Variants in DENND5B observed in about 807,000 individuals in gnomAD.
The protein encoded by DENND5B is DENN domain containing 5B.
In DENND5B, 34 loss-of-function variants were observed where a neutral mutation model predicts 140.6. The observed-to-expected ratio is 0.24, with a 90% confidence interval of 0.18 to 0.32. The LOEUF (loss-of-function observed/expected upper bound fraction) is 0.32, where lower values mean the gene tolerates loss of function less well. Ranked by LOEUF, DENND5B falls within the 10% of genes least tolerant of loss-of-function variation. DENND5B has a pLI of 1.00. For synonymous variants in DENND5B, 551 were observed against 562.1 expected (o/e 0.98, Z 0.28); for missense variants, 1,142 against 1,560.2 (o/e 0.73, Z 4.52).
intron 6 of DENND5B, among the ~76,000 whole-genome samples, chr12:31,444,913 T>C (rs1593181803): frequency 6.6e-6 from 1 of 152,216 alleles, no homozygotes; most frequent in African/African-American, 2.4e-5. Context: ...GATGTTTCTA[T>C]GGTTACATAA....
chr12:31,588,683 G>A (rs927418300), intron 1 of DENND5B, among the ~76,000 whole-genome samples: 4 of 152,088 alleles, frequency 2.6e-5, no homozygotes, highest in African/African-American at 9.7e-5. Context: ...TTTTGGTGTG[G>A]GGGACACTCT....
chr12:31,569,273 T>A (rs896656476), intron 1 of DENND5B, among the ~76,000 whole-genome samples: 3 of 152,044 alleles, frequency 2.0e-5, no homozygotes, highest in Non-Finnish European at 4.4e-5. Flanking sequence ...TTCACCATGC[T>A]GCGCAGGCTG....
At chr12:31,555,313 G>C (rs1347290643) in intron 1 of DENND5B, among the ~76,000 whole-genome samples, 1 of 152,210 alleles carries the variant, frequency 6.6e-6, no homozygotes, top group South Asian at 2.1e-4. Context: ...GTTTGCTGGA[G>C]GTCCACTCCA....
intron 9 of DENND5B, among the ~76,000 whole-genome samples, chr12:31,425,877 C>T (rs1467735078): frequency 6.6e-6 from 1 of 152,162 alleles, no homozygotes; most frequent in African/African-American, 2.4e-5. Flanking sequence ...ATACACAAAC[C>T]TACAACACAG....
intron 14 of DENND5B, among the ~76,000 whole-genome samples, chr12:31,404,799 GC>G: frequency 9.0e-6 from 1 of 110,498 alleles, no homozygotes; most frequent in Non-Finnish European, 1.7e-5. Flanking sequence ...TGCTCTTGTG[GC>G]CCAGGCTGGA....
intron 4 of DENND5B, among the ~76,000 whole-genome samples, chr12:31,458,896 T>C (rs933362433): frequency 1.8e-4 from 28 of 152,158 alleles, no homozygotes; most frequent in African/African-American, 6.5e-4. Context: ...CCTTACATGG[T>C]AATCCTCAGT....
At chr12:31,511,617 CTGCTT>C (rs1947420686) in intron 1 of DENND5B, among the ~76,000 whole-genome samples, 2 of 148,204 alleles carry the variant, frequency 1.3e-5, no homozygotes, top group Non-Finnish European at 3.0e-5. Flanking sequence ...ATATTGTTGT[CTGCTT>C]ACCATATTAC....
chr12:31,473,978 AAGTACTGTTTG>A (rs2138454988), intron 3 of DENND5B, among the ~76,000 whole-genome samples: 1 of 152,310 alleles, frequency 6.6e-6, no homozygotes, highest in Admixed American at 6.5e-5. Flanking sequence ...TTGACCAGCA[AAGTACTGTTTG>A]GTTTATGGAT....
intron 3 of DENND5B, among the ~76,000 whole-genome samples, chr12:31,472,361 G>A (rs950968012): frequency 8.5e-5 from 13 of 152,124 alleles, no homozygotes; most frequent in African/African-American, 2.7e-4. Flanking sequence ...GCACGACCTC[G>A]GCTCATTGCA....
intron 11 of DENND5B, among the ~76,000 whole-genome samples, chr12:31,421,849 G>A (rs150369428): frequency 1.1e-3 from 169 of 152,226 alleles, no homozygotes; most frequent in African/African-American, 3.6e-3. Flanking sequence ...CAACATGCCT[G>A]GCCTCATTAC....
In DENND5B at chr12:31,408,624, CAAAAAA is replaced by C. The variant is rs33965275; in HGVS notation, c.2803+633_2803+638del. Among the ~76,000 whole-genome samples the C allele has an allele frequency of 2.9e-4, 21 of 71,960 alleles. No individual in the cohort carries two copies. The East Asian group carries it at 3.3e-3, about 11-fold the overall frequency. 47.2% of individuals were successfully genotyped at this position (71,960 alleles called of 152,430 possible). ...CCTGGGTGATGGAGTGAGACTCTAT[CAAAAAA>C]AAAAAAAAAAAAAAAAAAAAATTCT... On this transcript the variant is annotated intron_variant, in intron 14 of 20. Transcript: ENST00000389082.
chr12:31,399,562 A>G, intron 16 of DENND5B, 92 bp downstream of exon 16: 1 of 1,010,672 alleles, frequency 9.9e-7, no homozygotes, highest in South Asian at 1.6e-5. Flanking sequence ...TATAGGTGTG[A>G]GCCACTGTGC....
At position 31,480,268 on chromosome 12, in the gene DENND5B, G is replaced by GAAAA; in HGVS notation, c.238-17_238-14dup. On this transcript the variant is annotated splice_polypyrimidine_tract_variant and intron_variant, in intron 2 of 20. Transcript: ENST00000389082. Reference sequence around the variant, plus strand: ...TAGGCATGCACAACTGTGAAAGAAAGAAAAAAAAAAATCAGAATGCAGTAC... The same window carrying GAAAA: ...TAGGCATGCACAACTGTGAAAGAAAGAAAAAAAAAAAAAAATCAGAATGCAGTAC... 9.0e-7 allele frequency: 1 copy of GAAAA among 1,114,696 alleles called. No individual in the cohort carries two copies. The highest frequency in any genetic ancestry group is 2.1e-5 in the South Asian group (1 of 46,896). The allele number at this position is 1,114,696 out of a possible 1,614,324, so 69.1% of individuals were successfully genotyped here.
chr12:31,498,003 G>GAA (rs1315624037), intron 1 of DENND5B, among the ~76,000 whole-genome samples: 1 of 151,614 alleles, frequency 6.6e-6, no homozygotes, highest in Non-Finnish European at 1.5e-5. Flanking sequence ...GAAAAGAAAA[G>GAA]AAAGATAGAT....
At chr12:31,522,139 T>C (rs1947917152) in intron 1 of DENND5B, among the ~76,000 whole-genome samples, 1 of 152,192 alleles carries the variant, frequency 6.6e-6, no homozygotes, top group South Asian at 2.1e-4. Context: ...AGCAAACATC[T>C]GCTCATGGTG....
chr12:31,414,317 CTG>C (rs1251236982), intron 12 of DENND5B, among the ~76,000 whole-genome samples: 2 of 152,172 alleles, frequency 1.3e-5, no homozygotes, highest in African/African-American at 4.8e-5. Context: ...TTCAATAAAT[CTG>C]TGTTAGATAT....
At chr12:31,470,131 T>TTTTTG in intron 3 of DENND5B, among the ~76,000 whole-genome samples, 1 of 148,454 alleles carries the variant, frequency 6.7e-6, no homozygotes. Context: ...TTTTTTTTCT[T>TTTTTG]TGGAGATGGA....
In DENND5B at chr12:31,489,552, G is replaced by A. The variant is rs578092334; in HGVS notation, c.237+6258C>T. On this transcript the variant is annotated intron_variant, in intron 2 of 20. Coordinates refer to ENST00000389082, the MANE Select transcript of DENND5B (RefSeq NM_144973.4). ...GCAGTGGAGGTCACACCTAGTCAAGGACAGGGAAGAGAAGTATTGTAAGCA... is the reference window on the plus strand; with the variant it reads ...GCAGTGGAGGTCACACCTAGTCAAGAACAGGGAAGAGAAGTATTGTAAGCA... Among the ~76,000 whole-genome samples, 36 of 152,302 alleles carry A rather than the reference G, an allele frequency of 2.4e-4. 1 individual carries two copies. The South Asian group carries it at 7.5e-3, about 32-fold the overall frequency.
rs1165301035 is a variant in DENND5B at position 31,460,148 on chromosome 12, C to T, written c.1092+46G>A. 3 of 1,563,976 alleles carry T rather than the reference C, an allele frequency of 1.9e-6. No homozygotes were observed. In the Admixed American group the frequency reaches 5.7e-5, roughly 30 times the overall value. On this transcript the variant is annotated intron_variant, in intron 4 of 20. Transcript: ENST00000389082. ...GCAATCTAACGAAAGTCGCCTTGAC[C>T]TAAATCAGCAAACAGCAAATGCTTC...
Sources: gnomAD v4.1 joint callset for allele counts (sites outside exome capture counted in the v4.1 genomes callset) on GRCh38, gnomAD v4.1.1 for gene constraint, MANE v1.5 for transcripts, NCBI Gene and HGNC (gene_info 2026-07-23, HGNC 2026-07-21) for gene names.